The following ATL2 variants were observed in gnomAD, a reference collection of about 807,000 sequenced individuals.
ATL2 encodes the protein atlastin GTPase 2.
In ATL2, 31 loss-of-function variants were observed where a neutral mutation model predicts 73.9. The observed-to-expected ratio is 0.42, with a 90% CI of 0.32 to 0.57. The LOEUF (loss-of-function observed/expected upper bound fraction) is 0.57, where lower values mean the gene tolerates loss of function less well. Among genes scored for constraint, ATL2 ranks in the 20% least tolerant of loss-of-function variants. The probability of loss-of-function intolerance (pLI) is 0.14; values close to 1 mark genes in which losing one functional copy is unlikely to be tolerated. For synonymous variants in ATL2, 291 were observed against 237.5 expected, an observed-to-expected ratio of 1.23 and a Z score of -2.07; for missense variants, 738 against 702.6, an observed-to-expected ratio of 1.05 and a Z score of -0.57.
chr2:38,311,982 G>A (rs1215342190), intron 7 of ATL2, among the ~76,000 whole-genome samples: 1 of 152,136 alleles, frequency 6.6e-6, no homozygotes, highest in Non-Finnish European at 1.5e-5. Context: ...AATAATCTAA[G>A]AATGTTGAAT....
At chr2:38,323,525 T>C (rs562364994) in intron 2 of ATL2, among the ~76,000 whole-genome samples, 2 of 151,922 alleles carry the variant, frequency 1.3e-5, no homozygotes, top group African/African-American at 2.4e-5. Context: ...TATAATCAAA[T>C]AGTGAATAAA....
intron 1 of ATL2, among the ~76,000 whole-genome samples, chr2:38,370,402 TCG>T (rs1558462903): frequency 3.1e-5 from 4 of 128,614 alleles, no homozygotes; most frequent in African/African-American, 1.1e-4. Flanking sequence ...TGAGCCAAGA[TCG>T]CGCCACTGCG....
intron 2 of ATL2, among the ~76,000 whole-genome samples, chr2:38,326,070 T>C (rs1429284302): frequency 6.6e-6 from 1 of 151,936 alleles, no homozygotes; most frequent in Non-Finnish European, 1.5e-5. Context: ...AGACTGTGTC[T>C]CAAAAAAGAA....
At chr2:38,299,176 T>TA in intron 11 of ATL2, 80 bp downstream of exon 11, 2 of 1,328,506 alleles carry the variant, frequency 1.5e-6, no homozygotes, top group Non-Finnish European at 2.0e-6. Context: ...CTCAATTATT[T>TA]AAAAAATTTT....
intron 2 of ATL2, among the ~76,000 whole-genome samples, chr2:38,324,171 G>A (rs1000335088): frequency 3.3e-5 from 5 of 152,106 alleles, no homozygotes; most frequent in Admixed American, 6.6e-5. Flanking sequence ...TCAGCTACTC[G>A]GGAGGCTGAG....
chr2:38,316,715 A>G (rs1668043389), intron 4 of ATL2, among the ~76,000 whole-genome samples: 1 of 152,202 alleles, frequency 6.6e-6, no homozygotes, highest in Non-Finnish European at 1.5e-5. Context: ...AAGATGAGTA[A>G]AACTCATTTT....
At chr2:38,339,985 C>T (rs1419140250) in intron 2 of ATL2, among the ~76,000 whole-genome samples, 1 of 152,142 alleles carries the variant, frequency 6.6e-6, no homozygotes, top group Non-Finnish European at 1.5e-5. Context: ...GCCCCAACAC[C>T]CTGCCCTCAT....
At position 38,317,621 on chromosome 2, in the gene ATL2, A is replaced by G. The variant is rs566489090; in HGVS notation, c.603+914T>C. On this transcript the variant is annotated intron_variant, in intron 4 of 12. Coordinates refer to ENST00000378954, the MANE Select transcript of ATL2 (RefSeq NM_001135673.4). The stretch of plus-strand genomic sequence containing the variant: ...TAATTACTCTGCTTTTATCTCCTTT[A>G]GTTCAAATAACTGAGTACCACTTGT... Among the ~76,000 whole-genome samples the G allele has an allele frequency of 5.9e-4, 90 of 152,332 alleles. 1 individual carries two copies. The highest frequency in any genetic ancestry group is 3.4e-3 in the Middle Eastern group (1 of 294).
chr2:38,308,800 A>G (rs1337534831), intron 9 of ATL2, among the ~76,000 whole-genome samples: 1 of 152,164 alleles, frequency 6.6e-6, no homozygotes, highest in Non-Finnish European at 1.5e-5. Flanking sequence ...ATAACTAAAC[A>G]AAGATAATAT....
At chr2:38,320,519 C>A (rs1384754968) in intron 2 of ATL2, among the ~76,000 whole-genome samples, 2 of 152,090 alleles carry the variant, frequency 1.3e-5, no homozygotes, top group Non-Finnish European at 2.9e-5. Flanking sequence ...ACTAGAACCA[C>A]AGGGCTAAAT....
intron 4 of ATL2, among the ~76,000 whole-genome samples, chr2:38,316,570 C>A (rs1210643772): frequency 2.0e-5 from 3 of 151,628 alleles, no homozygotes; most frequent in South Asian, 4.1e-4. Flanking sequence ...CTACCCCCCC[C>A]ACCCAAAGGC....
chr2:38,365,388 C>T (rs1369153332), intron 1 of ATL2, among the ~76,000 whole-genome samples: 1 of 152,150 alleles, frequency 6.6e-6, no homozygotes, highest in East Asian at 1.9e-4. Context: ...GGCACAGTGG[C>T]TCACACCTGT....
At chr2:38,328,119 T>C (rs557489193) in intron 2 of ATL2, among the ~76,000 whole-genome samples, 1 of 152,260 alleles carries the variant, frequency 6.6e-6, no homozygotes, top group East Asian at 1.9e-4. Context: ...AAAGCAGTTT[T>C]CAAAATAAGG....
chr2:38,296,246 T>C, intron 12 of ATL2, 133 bp from the exon 13 acceptor site: 3 of 1,428,348 alleles, frequency 2.1e-6, no homozygotes, highest in Non-Finnish European at 2.7e-6. Flanking sequence ...AAAAGATGCT[T>C]CTCTCAAAAA....
chr2:38,325,623 TACATACACACACACAC>T (rs1347149976), intron 2 of ATL2, among the ~76,000 whole-genome samples: 3 of 93,444 alleles, frequency 3.2e-5, no homozygotes, highest in African/African-American at 1.0e-4. Flanking sequence ...CACACACCAG[TACATACACACACACAC>T]ACACACACAC....
intron 2 of ATL2, among the ~76,000 whole-genome samples, chr2:38,335,938 A>C (rs1669335219): frequency 6.6e-6 from 1 of 152,116 alleles, no homozygotes; most frequent in Non-Finnish European, 1.5e-5. Flanking sequence ...GAAACAGGAG[A>C]ATGGTGTGAA....
intron 1 of ATL2, chr2:38,358,386 A>T (rs1031747200): frequency 6.5e-6 from 1 of 154,910 alleles, no homozygotes; most frequent in African/African-American, 2.4e-5. Flanking sequence ...ATCTCTACTT[A>T]AAAAAGGAAA....
At chr2:38,356,553 T>G (rs1193143039) in intron 1 of ATL2, among the ~76,000 whole-genome samples, 1 of 152,184 alleles carries the variant, frequency 6.6e-6, no homozygotes, top group African/African-American at 2.4e-5. Flanking sequence ...ACAGCACATT[T>G]CAACTTAGAC....
chr2:38,360,748 T>C (rs1670966274), intron 1 of ATL2, among the ~76,000 whole-genome samples: 1 of 151,886 alleles, frequency 6.6e-6, no homozygotes, highest in African/African-American at 2.4e-5. Flanking sequence ...TGGGGGGAAA[T>C]GAGGGAGAAC....
Sources: allele counts gnomAD v4.1 joint callset (sites outside exome capture counted in the v4.1 genomes callset), GRCh38; gene constraint gnomAD v4.1.1; transcripts MANE v1.5; gene names NCBI Gene and HGNC (gene_info 2026-07-23, HGNC 2026-07-21).